GPC6: variants seen among roughly 807,000 people sequenced by gnomAD.
GPC6 encodes the protein glypican 6, also known as glypican-6.
GPC6 carries 14 observed loss-of-function variants against 55.2 expected under a neutral mutation model. That is an observed-to-expected ratio of 0.25 (90% CI 0.17 to 0.40). The LOEUF is 0.40. Among genes scored for constraint, GPC6 ranks in the 10% least tolerant of loss-of-function variants. The probability of loss-of-function intolerance (pLI) is 1.00; values close to 1 mark genes in which losing one functional copy is unlikely to be tolerated. For missense variants in GPC6, 641 were observed against 708.5 expected (o/e 0.90, Z 1.08); for synonymous variants, 278 against 259.6 (o/e 1.07, Z -0.68).
intron 1 of GPC6, among the ~76,000 whole-genome samples, chr13:93,361,038 T>C (rs931945888): frequency 6.6e-6 from 1 of 152,126 alleles, no homozygotes; most frequent in African/African-American, 2.4e-5. Flanking sequence ...CACCCCTCTC[T>C]TGCTGACCAC....
chr13:93,539,457 C>T (rs547315435), intron 1 of GPC6, among the ~76,000 whole-genome samples: 16 of 152,096 alleles, frequency 1.1e-4, no homozygotes, highest in South Asian at 8.3e-4. Flanking sequence ...AAGAGGATCT[C>T]GGAAAGAATT....
intron 2 of GPC6, among the ~76,000 whole-genome samples, chr13:93,786,243 C>T (rs1451981274): frequency 1.3e-5 from 2 of 152,042 alleles, no homozygotes; most frequent in Admixed American, 6.5e-5. Context: ...TGTAATGAAG[C>T]GAAAACACTG....
intron 2 of GPC6, among the ~76,000 whole-genome samples, chr13:93,817,381 T>C (rs1886889848): frequency 6.6e-6 from 1 of 152,198 alleles, no homozygotes; most frequent in East Asian, 1.9e-4. Flanking sequence ...TTTTTCATTT[T>C]AGCTCATATA....
At chr13:93,442,501 A>G (rs1877843387) in intron 1 of GPC6, among the ~76,000 whole-genome samples, 1 of 152,120 alleles carries the variant, frequency 6.6e-6, no homozygotes, top group Non-Finnish European at 1.5e-5. Context: ...TCCTTCTACC[A>G]CCTCCCATCT....
chr13:93,258,633 C>A (rs1265681789), intron 1 of GPC6, among the ~76,000 whole-genome samples: 1 of 152,020 alleles, frequency 6.6e-6, no homozygotes, highest in Non-Finnish European at 1.5e-5. Context: ...GACAAACAAT[C>A]TTGGTTAAAA....
chr13:93,985,137 T>TA (rs896389975), intron 3 of GPC6, among the ~76,000 whole-genome samples: 2 of 151,594 alleles, frequency 1.3e-5, no homozygotes, highest in Non-Finnish European at 2.9e-5. Context: ...CAGCCAGAAG[T>TA]AAAAAAAGAG....
chr13:93,763,740 A>G (rs1279120589), intron 2 of GPC6, among the ~76,000 whole-genome samples: 2 of 151,988 alleles, frequency 1.3e-5, no homozygotes, highest in African/African-American at 2.4e-5. Flanking sequence ...CCCCAATAAC[A>G]TGTTGCTGTG....
intron 1 of GPC6, among the ~76,000 whole-genome samples, chr13:93,294,718 G>A (rs953999815): frequency 3.3e-5 from 5 of 152,234 alleles, no homozygotes; most frequent in Admixed American, 1.3e-4. Flanking sequence ...AGTTTTCTAT[G>A]TTTTGTCCTC....
chr13:94,181,198 A>C (rs1227243605), intron 4 of GPC6, among the ~76,000 whole-genome samples: 1 of 152,182 alleles, frequency 6.6e-6, no homozygotes, highest in Non-Finnish European at 1.5e-5. Flanking sequence ...ATCAATGGTT[A>C]AATTCATCAT....
chr13:93,772,872 C>T (rs1487282967), intron 2 of GPC6, among the ~76,000 whole-genome samples: 1 of 151,928 alleles, frequency 6.6e-6, no homozygotes, highest in African/African-American at 2.4e-5. Flanking sequence ...TTTTCAACTC[C>T]CTTCTGTGGT....
At chr13:94,337,328 A>G (rs1254684845) in intron 6 of GPC6, among the ~76,000 whole-genome samples, 3 of 152,218 alleles carry the variant, frequency 2.0e-5, no homozygotes, top group Non-Finnish European at 4.4e-5. Context: ...AAATAAAAAT[A>G]TAAATTTTAT....
chr13:93,670,064 C>G (rs2064116716), intron 2 of GPC6, among the ~76,000 whole-genome samples: 1 of 152,074 alleles, frequency 6.6e-6, no homozygotes, highest in Non-Finnish European at 1.5e-5. Flanking sequence ...GAAATGTAAC[C>G]AACAGGTGAT....
At chr13:93,676,115 AAAAAAAAAAAAATATATATATATATATAT>A (rs1385768869) in intron 2 of GPC6, among the ~76,000 whole-genome samples, 3 of 102,876 alleles carry the variant, frequency 2.9e-5, no homozygotes, top group African/African-American at 1.6e-4. Flanking sequence ...CTAAAAAAAA[AAAAAAAAAAAAATATATATATATATATAT>A]ATATATATAT....
chr13:93,937,558 GTATAA>G (rs928661362), intron 3 of GPC6, among the ~76,000 whole-genome samples: 9 of 152,078 alleles, frequency 5.9e-5, no homozygotes, highest in Non-Finnish European at 1.0e-4. Flanking sequence ...AGCAATCTTT[GTATAA>G]TATAATATTA....
rs562414809 is a variant in GPC6 at position 94,108,090 on chromosome 13, A to C, written c.877+80196A>C. 3.3e-5 allele frequency among the ~76,000 whole-genome samples: 5 copies of C among 152,282 alleles called. No homozygotes were observed. In the South Asian group the frequency reaches 1.0e-3, roughly 32 times the overall value. Reference sequence around the variant, plus strand: ...ATTTACAAAAGATACTTAAACATGCATGTTTATAGTAGCACAATTCGCAAC... The same window carrying C: ...ATTTACAAAAGATACTTAAACATGCCTGTTTATAGTAGCACAATTCGCAAC... On this transcript the variant is annotated intron_variant, in intron 4 of 8. Transcript: ENST00000377047.
intron 1 of GPC6, among the ~76,000 whole-genome samples, chr13:93,295,946 C>A (rs1878482566): frequency 6.6e-6 from 1 of 151,990 alleles, no homozygotes; most frequent in Admixed American, 6.6e-5. Context: ...CTCCTGGGCT[C>A]AAGTGCTGGG....
chr13:93,881,167 C>T (rs1874951013), intron 3 of GPC6, among the ~76,000 whole-genome samples: 2 of 152,168 alleles, frequency 1.3e-5, no homozygotes, highest in South Asian at 4.1e-4. Context: ...GTGAGTAGAG[C>T]TGGTGTGGGG....
chr13:94,382,645 A>G (rs1176540578), intron 7 of GPC6, 95 bp downstream of exon 7: 11 of 1,531,424 alleles, frequency 7.2e-6, no homozygotes, highest in Non-Finnish European at 9.9e-6. Flanking sequence ...TTTATGCAAA[A>G]AGCAACAGAG....
chr13:93,400,508 T>C (rs950986574), intron 1 of GPC6, among the ~76,000 whole-genome samples: 6 of 151,126 alleles, frequency 4.0e-5, no homozygotes, highest in Non-Finnish European at 5.9e-5. Context: ...GATGCAAAAA[T>C]AAAAAGAATG....
Sources: allele counts gnomAD v4.1 joint callset (sites outside exome capture counted in the v4.1 genomes callset), GRCh38; gene constraint gnomAD v4.1.1; transcripts MANE v1.5; gene names NCBI Gene and HGNC (gene_info 2026-07-23, HGNC 2026-07-21).